Variants in BCL7A observed in about 807,000 individuals in gnomAD.
BCL7A encodes the protein B-cell CLL/lymphoma 7 protein family member A.
A neutral mutation model predicts 28.4 loss-of-function variants in BCL7A; 11 were observed. That is an observed-to-expected ratio of 0.39 (90% CI 0.24 to 0.64). The LOEUF (loss-of-function observed/expected upper bound fraction) is 0.64, where lower values mean the gene tolerates loss of function less well. BCL7A is among the 30% of genes least tolerant of loss of function. BCL7A has a pLI of 0.50. For synonymous variants in BCL7A, 123 were observed against 103.3 expected (o/e 1.19, Z -1.15); for missense variants, 222 against 274.8 (o/e 0.81, Z 1.36).
At chr12:122,038,372 C>T (rs1436897543) in intron 3 of BCL7A, among the ~76,000 whole-genome samples, 5 of 132,482 alleles carry the variant, frequency 3.8e-5, no homozygotes, top group African/African-American at 1.5e-4. Context: ...GCGGAGGCTG[C>T]AGTGAGCTAA....
chr12:122,052,867 TCGGGGG>T (rs759131458), intron 4 of BCL7A, among the ~76,000 whole-genome samples: 1 of 67,158 alleles, frequency 1.5e-5, no homozygotes, highest in African/African-American at 4.4e-5. Context: ...ATTTTTTTAG[TCGGGGG>T]GGGGGGGGGG....
In BCL7A at chr12:122,059,153, A is replaced by C; in HGVS notation, c.623A>C (p.Glu208Ala). The C allele has an allele frequency of 6.2e-7, 1 of 1,611,592 alleles. No homozygotes were observed. The highest frequency in any genetic ancestry group is 1.7e-5 in the Admixed American group (1 of 60,012). Residue 208 changes from glutamate (E) to alanine (A), a missense_variant, in exon 6 of 6, where the codon GAA (glutamate) becomes GCA (alanine). Coordinates refer to ENST00000261822, the MANE Select transcript of BCL7A (RefSeq NM_001024808.3). This position sits in a 1 kb window ranked among gnomAD's most constrained non-coding sequence, Gnocchi z 4.0. ...MKLEASQQNS[E>A]EM The stretch of plus-strand genomic sequence containing the variant: ...CTGGAGGCCTCTCAACAAAACTCCG[A>C]AGAGATGTAGACGATGCTTTAAAGC...
At position 122,061,832 on chromosome 12, in the gene BCL7A, AT is replaced by A. The variant is rs374994940; in HGVS notation, c.*2670del. 6.2e-4 allele frequency: 140 copies of A among 226,006 alleles called. 1 individual carries two copies. The East Asian group carries it at 8.8e-3, about 14-fold the overall frequency. The allele number at this position is 226,006 out of a possible 1,614,324, so 14.0% of individuals were successfully genotyped here. ...TGACCTCCCATTAGCAAACGGTGTC[AT>A]GGTTTGGAATGTTCATTATCGCCAA... is the stretch of plus-strand genomic sequence containing the variant. On this transcript the variant is annotated 3_prime_UTR_variant, in exon 6 of 6. Coordinates refer to ENST00000261822, the MANE Select transcript of BCL7A (RefSeq NM_001024808.3).
chr12:122,027,195 C>T (rs1250512869), intron 1 of BCL7A, among the ~76,000 whole-genome samples: 1 of 152,230 alleles, frequency 6.6e-6, no homozygotes, highest in Non-Finnish European at 1.5e-5. Context: ...GGCAAGCTGT[C>T]GCTCCCTGGG....
At chr12:122,037,037 G>A (rs765018361) in intron 3 of BCL7A, among the ~76,000 whole-genome samples, 4 of 152,168 alleles carry the variant, frequency 2.6e-5, no homozygotes, top group African/African-American at 4.8e-5. Context: ...TTGGTTTTCC[G>A]TGTTTGGAAA....
At chr12:122,035,126 T>G (rs563628249) in intron 2 of BCL7A, among the ~76,000 whole-genome samples, 1 of 152,258 alleles carries the variant, frequency 6.6e-6, no homozygotes, top group Admixed American at 6.5e-5. Context: ...ACTGTGGGGC[T>G]CTCTGATTCC....
At chr12:122,025,513 G>A (rs562905160) in intron 1 of BCL7A, among the ~76,000 whole-genome samples, 1 of 151,950 alleles carries the variant, frequency 6.6e-6, no homozygotes, top group Non-Finnish European at 1.5e-5. Flanking sequence ...TGTAGTCCCA[G>A]CTACTTGGGA....
At chr12:122,025,819 C>A (rs369773677) in intron 1 of BCL7A, among the ~76,000 whole-genome samples, 1 of 150,898 alleles carries the variant, frequency 6.6e-6, no homozygotes, top group Non-Finnish European at 1.5e-5. Flanking sequence ...TGGTGGTACA[C>A]GCCTGTAATC....
chr12:122,048,906 A>C (rs538746765), intron 4 of BCL7A, among the ~76,000 whole-genome samples: 2 of 151,694 alleles, frequency 1.3e-5, no homozygotes, highest in Admixed American at 1.3e-4. Context: ...CTGTAATCCC[A>C]GCTACTCGGG....
chr12:122,049,997 C>T lies in BCL7A; in HGVS notation c.440-4808C>T, dbSNP rs77774967. ...GATCATTCTTTTTGTTTTTCTGAGA[C>T]GGAGTCTCGCTGTGTCACCCAGGGC... On this transcript the variant is annotated intron_variant, in intron 4 of 5. Transcript: ENST00000261822. Among the ~76,000 whole-genome samples, 888 of 152,170 alleles carry T rather than the reference C, an allele frequency of 5.8e-3. 6 individuals are homozygous for T. Among genetic ancestry groups the T allele is most frequent in the African/African-American group, 0.017 (725 of 41,500 alleles).
chr12:122,054,363 A>G (rs890617822), intron 4 of BCL7A, among the ~76,000 whole-genome samples: 2 of 152,228 alleles, frequency 1.3e-5, no homozygotes, highest in Non-Finnish European at 2.9e-5. Flanking sequence ...CTGGGATTAC[A>G]GGCCTGAGCC....
intron 1 of BCL7A, among the ~76,000 whole-genome samples, chr12:122,024,097 G>C (rs1883551938): frequency 6.6e-6 from 1 of 152,124 alleles, no homozygotes; most frequent in Admixed American, 6.5e-5. Flanking sequence ...GGCCGGCCTG[G>C]AGGCCTTCCA....
intron 1 of BCL7A, among the ~76,000 whole-genome samples, chr12:122,024,003 A>C: frequency 6.6e-6 from 1 of 152,184 alleles, no homozygotes; most frequent in African/African-American, 2.4e-5. Flanking sequence ...CTGCACCCTG[A>C]CAGCTGCTCC....
Position 122,034,741 on chromosome 12 carries a change from CAA to C in BCL7A, c.175-577_175-576del, listed in dbSNP as rs758389528. Among the ~76,000 whole-genome samples, 17 of 122,026 alleles carry C rather than the reference CAA, an allele frequency of 1.4e-4. 1 individual carries two copies. The highest frequency in any genetic ancestry group is 1.7e-4 in the Admixed American group (2 of 11,798). The allele number at this position is 122,026 out of a possible 152,430, so 80.1% of individuals were successfully genotyped here. A position where few individuals can be genotyped will look rare whatever the true frequency, so the allele number is the denominator to read the frequency against. ...TGGGTGACAGAACGAGACTCTGTCT[CAA>C]AAAAAAAAAAAAGAAAAAAGGAATG... is the stretch of plus-strand genomic sequence containing the variant. On this transcript the variant is annotated intron_variant, in intron 2 of 5. Coordinates refer to ENST00000261822, the MANE Select transcript of BCL7A (RefSeq NM_001024808.3).
chr12:122,043,624 TAGCC>T (rs1884004858), intron 3 of BCL7A, among the ~76,000 whole-genome samples: 1 of 150,948 alleles, frequency 6.6e-6, no homozygotes, highest in African/African-American at 2.4e-5. Context: ...AATACAAAAT[TAGCC>T]AGGCGTGGTG....
intron 5 of BCL7A, among the ~76,000 whole-genome samples, chr12:122,055,728 C>T (rs976191568): frequency 6.6e-6 from 1 of 152,188 alleles, no homozygotes; most frequent in Non-Finnish European, 1.5e-5. Flanking sequence ...AAGCAATTCT[C>T]CTGCCTCAGC....
Position 122,059,269 on chromosome 12 carries a change from T to A in BCL7A, c.*106T>A. 1 of 1,059,870 alleles carries A rather than the reference T, an allele frequency of 9.4e-7. No homozygotes were observed. The highest frequency in any genetic ancestry group is 1.4e-6 in the Non-Finnish European group (1 of 711,726). The allele number at this position is 1,059,870 out of a possible 1,614,324, so 65.7% of individuals were successfully genotyped here. Reference sequence around the variant, plus strand: ...TCCTCTTGGGTGCGAACAGAACTACTAACGTTTCAAGTTTACCAAGTGCAA... The same window carrying A: ...TCCTCTTGGGTGCGAACAGAACTACAAACGTTTCAAGTTTACCAAGTGCAA... On this transcript the variant is annotated 3_prime_UTR_variant, in exon 6 of 6. Transcript: ENST00000261822. This position sits in a 1 kb window ranked among gnomAD's most constrained non-coding sequence, Gnocchi z 4.0.
chr12:122,022,156 T>C lies in BCL7A; in HGVS notation c.65T>C (p.Met22Thr), dbSNP rs1320533152. The stretch of plus-strand genomic sequence containing the variant: ...GCCAAAGATGATATCAAGAGGGTCA[T>C]GGCGGCGATCGAGAAAGTGCGCAAA... ...SRAKDDIKRV[M>T]AAIEKVRKWE... The change falls in exon 1 of 6, where the codon ATG (methionine) becomes ACG (threonine). Residue 22 changes from methionine to threonine, a missense_variant. Around this residue, in one of 2 missense-constraint regions of BCL7A, gnomAD observed 67 missense variants for 129.1 expected, o/e 0.52. Coordinates refer to ENST00000261822, the MANE Select transcript of BCL7A (RefSeq NM_001024808.3). 1.3e-6 allele frequency: 2 copies of C among 1,567,244 alleles called. No homozygotes were observed. The highest frequency in any genetic ancestry group is 1.7e-5 in the Admixed American group (1 of 57,280).
At chr12:122,025,224 G>T (rs1883593605) in intron 1 of BCL7A, among the ~76,000 whole-genome samples, 1 of 152,126 alleles carries the variant, frequency 6.6e-6, no homozygotes, top group South Asian at 2.1e-4. Context: ...GAGGCCCGCT[G>T]CGGTGGCTCA....
Sources: gnomAD v4.1 joint callset for allele counts (sites outside exome capture counted in the v4.1 genomes callset) on GRCh38, gnomAD v4.1.1 for gene constraint, gnomAD v4.1.1 regional missense constraint, Gnocchi (gnomAD v3.1) non-coding constraint, MANE v1.5 for transcripts, NCBI Gene and HGNC (gene_info 2026-07-23, HGNC 2026-07-21) for gene names.